The following TRIP10 variants were observed in gnomAD, a reference collection of about 807,000 sequenced individuals.
The protein encoded by TRIP10 is cdc42-interacting protein 4.
In TRIP10, 54 loss-of-function variants were observed where a neutral mutation model predicts 80.9. That is an observed-to-expected ratio of 0.67 (90% CI 0.54 to 0.84). TRIP10 has a LOEUF of 0.84. TRIP10 is among the 40% of genes least tolerant of loss of function. TRIP10 has a pLI of 0.00. For missense variants in TRIP10, 773 were observed against 815.3 expected, an observed-to-expected ratio of 0.95 and a Z score of 0.63; for synonymous variants, 321 against 307.2, an observed-to-expected ratio of 1.04 and a Z score of -0.47.
In TRIP10 at chr19:6,744,955, C is replaced by T; in HGVS notation, c.945C>T (p.Arg315=). ...DGRPELRGPG[R]SRTKRWPFGK... ...GGCCTGAACTCCGAGGCCCGGGTCGCAGCCGCACCAAGCGCTGGCCTTTTG... is the reference window on the plus strand; with the variant it reads ...GGCCTGAACTCCGAGGCCCGGGTCGTAGCCGCACCAAGCGCTGGCCTTTTG... Residue 315 remains arginine (R), a synonymous_variant, in exon 9 of 15, where the codon CGC becomes CGT. Transcript: ENST00000313244. This position sits in a 1 kb window ranked among gnomAD's most constrained non-coding sequence, Gnocchi z 4.9. 6.2e-7 allele frequency: 1 copy of T among 1,613,972 alleles called. No individual in the cohort carries two copies. Among genetic ancestry groups the T allele is most frequent in the Non-Finnish European group, 8.5e-7 (1 of 1,179,962 alleles).
chr19:6,749,039 G>A (rs1401087546), intron 11 of TRIP10, among the ~76,000 whole-genome samples: 1 of 152,118 alleles, frequency 6.6e-6, no homozygotes, highest in Non-Finnish European at 1.5e-5. Flanking sequence ...GATCTGTCTT[G>A]TTTAGTGTTA....
chr19:6,749,866 A>G lies in TRIP10; in HGVS notation c.1263-68A>G. On this transcript the variant is annotated intron_variant, in intron 11 of 14. Transcript: ENST00000313244. The stretch of plus-strand genomic sequence containing the variant: ...ATGAGACCCTGACTCAAACAAAACA[A>G]AACAACAGCAACAAAAAAACTCACA... 4 of 1,571,726 alleles carry G rather than the reference A, an allele frequency of 2.5e-6. 1 individual carries two copies. The South Asian group carries it at 4.7e-5, about 19-fold the overall frequency.
rs758840987 is a variant in TRIP10 at position 6,750,546 on chromosome 19, A to G, written c.1570A>G (p.Thr524Ala). The G allele has an allele frequency of 6.2e-7, 1 of 1,613,864 alleles. No individual in the cohort carries two copies. Among genetic ancestry groups the G allele is most frequent in the Non-Finnish European group, 8.5e-7 (1 of 1,179,958 alleles). Residue 524 changes from threonine (T) to alanine (A), a missense_variant, in exon 14 of 15, where the codon ACC (threonine) becomes GCC (alanine). Coordinates refer to ENST00000313244, the MANE Select transcript of TRIP10 (RefSeq NM_001288962.2). The stretch of plus-strand genomic sequence containing the variant: ...GCCTCCCTCAGAAGAGAGCCAGGAC[A>G]CCCCCATTTACACGGAGTTTGATGA... ...EEPPSEESQD[T>A]PIYTEFDEDF... is the part of the protein sequence containing the mutation.
Position 6,746,412 on chromosome 19 carries a change from A to T in TRIP10, c.1153-40A>T, listed in dbSNP as rs748379269. ...ACGGGTGCAGAGTCTGGCAGGCTAG[A>T]CTCCTTGATCCCAAATTCAGCCCTC... On this transcript the variant is annotated intron_variant, in intron 10 of 14. Transcript: ENST00000313244. This position sits in a 1 kb window ranked among gnomAD's most constrained non-coding sequence, Gnocchi z 6.2. 3.1e-6 allele frequency: 5 copies of T among 1,608,424 alleles called. No homozygotes were observed. The highest frequency in any genetic ancestry group is 3.3e-5 in the Admixed American group (2 of 59,872).
Position 6,750,277 on chromosome 19 carries a change from G to A in TRIP10, c.1396-15G>A, listed in dbSNP as rs1251621591. 6 of 1,613,540 alleles carry A rather than the reference G, an allele frequency of 3.7e-6. No individual in the cohort carries two copies. Among genetic ancestry groups the A allele is most frequent in the Non-Finnish European group, 3.4e-6 (4 of 1,179,784 alleles). ...AGCTCTGCCCTGGAACGATTTTCCT[G>A]TCCCCTCCTCCCAGGCGTGGCTGGC... On this transcript the variant is annotated splice_polypyrimidine_tract_variant and intron_variant, in intron 12 of 14. Transcript: ENST00000313244.
intron 1 of TRIP10, 60 bp downstream of exon 1, chr19:6,739,845 T>C: frequency 1.4e-6 from 2 of 1,392,590 alleles, no homozygotes; most frequent in Non-Finnish European, 9.4e-7. Context: ...ACCCCCCTTT[T>C]GTCCCCAATG....
In TRIP10 at chr19:6,746,617, A is replaced by G; in HGVS notation, c.1262+56A>G. The G allele has an allele frequency of 8.0e-7, 1 of 1,247,722 alleles. No individual in the cohort carries two copies. Among genetic ancestry groups the G allele is most frequent in the East Asian group, 2.4e-5 (1 of 41,868 alleles). The allele number at this position is 1,247,722 out of a possible 1,614,324, so 77.3% of individuals were successfully genotyped here. On this transcript the variant is annotated intron_variant, in intron 11 of 14. Transcript: ENST00000313244. The surrounding 1 kb of genome is among the most constrained non-coding windows in gnomAD (Gnocchi z 6.2). Reference sequence around the variant, plus strand: ...AGGAACATGATAAAATAGTAAATGAACTTCACTTATTTGTTTATTATTTTA... The same window carrying G: ...AGGAACATGATAAAATAGTAAATGAGCTTCACTTATTTGTTTATTATTTTA...
At chr19:6,749,087 CTTT>C (rs1203658981) in intron 11 of TRIP10, among the ~76,000 whole-genome samples, 1 of 152,000 alleles carries the variant, frequency 6.6e-6, no homozygotes, top group Admixed American at 6.6e-5. Context: ...GCCCCCCCTT[CTTT>C]TTTTATTTTT....
At chr19:6,747,409 T>C (rs1457985409) in intron 11 of TRIP10, among the ~76,000 whole-genome samples, 2 of 152,196 alleles carry the variant, frequency 1.3e-5, no homozygotes, top group African/African-American at 2.4e-5. Context: ...TCAACCTCTT[T>C]AGGCTGAAGA....
rs1243900751 is a variant in TRIP10 at position 6,744,945 on chromosome 19, G to A, written c.935G>A (p.Gly312Asp). Reference sequence around the variant, plus strand: ...TCGGATGGACGGCCTGAACTCCGAGGCCCGGGTCGCAGCCGCACCAAGCGC... The same window carrying A: ...TCGGATGGACGGCCTGAACTCCGAGACCCGGGTCGCAGCCGCACCAAGCGC... ...TPSDGRPELRGPGRSRTKRWP... is the reference protein window; with the variant it reads ...TPSDGRPELRDPGRSRTKRWP... Residue 312 changes from glycine to aspartate, a missense_variant, in exon 9 of 15, where the codon GGC becomes GAC. By Grantham distance (94) the Gly-to-Asp change is moderately conservative. Transcript: ENST00000313244. The surrounding 1 kb of genome is among the most constrained non-coding windows in gnomAD (Gnocchi z 4.9). 1 of 1,614,016 alleles carries A rather than the reference G, an allele frequency of 6.2e-7. No homozygotes were observed. Among genetic ancestry groups the A allele is most frequent in the African/African-American group, 1.3e-5 (1 of 75,052 alleles).
Position 6,746,480 on chromosome 19 carries a change from TG to T in TRIP10, c.1182del (p.Leu394PhefsTer31). On this transcript the variant is annotated frameshift_variant, in exon 11 of 15. Coordinates refer to ENST00000313244, the MANE Select transcript of TRIP10 (RefSeq NM_001288962.2). LOFTEE classifies it high-confidence loss of function. The surrounding 1 kb of genome is among the most constrained non-coding windows in gnomAD (Gnocchi z 6.2). Reference protein sequence around the residue: ...GTVVTEDFSHLPPEQQRKRLQ... With the variant: ...GTVVTEDFSHXPPEQQRKRLQ... ...GTGGTGACCGAGGATTTTAGCCACT[TG>T]CCCCCAGAGCAGCAGCGAAAACGGC... is the stretch of plus-strand genomic sequence containing the variant. The T allele has an allele frequency of 6.2e-7, 1 of 1,614,150 alleles. No individual in the cohort carries two copies. The highest frequency in any genetic ancestry group is 1.1e-5 in the South Asian group (1 of 91,086).
At chr19:6,748,840 CT>C (rs1969204038) in intron 11 of TRIP10, 1 of 152,054 alleles carries the variant, frequency 6.6e-6, no homozygotes, top group African/African-American at 2.4e-5. Context: ...CAGATCTGGT[CT>C]TTTCCAAAGG....
chr19:6,751,500 A>C lies in TRIP10; in HGVS notation c.*289A>C. On this transcript the variant is annotated 3_prime_UTR_variant, in exon 15 of 15. Coordinates refer to ENST00000313244, the MANE Select transcript of TRIP10 (RefSeq NM_001288962.2). ...CAAAAATGGGAAAAAAAAAAAAGAA[A>C]TTATATAAAGTTCCTAGAGTCGGTG... 1.5e-6 allele frequency: 1 copy of C among 657,910 alleles called. No individual in the cohort carries two copies. Among genetic ancestry groups the C allele is most frequent in the East Asian group, 3.4e-5 (1 of 29,074 alleles). The allele number at this position is 657,910 out of a possible 1,614,324, so 40.8% of individuals were successfully genotyped here.
Position 6,743,615 on chromosome 19 carries a change from C to CGGGGGGGGGAGGGGGGGGGGGGGGGGGG in TRIP10, c.513+26_513+27insAGGGGGGGGGGGGGGGGGGGGGGGGGGG. 1 of 770,174 alleles carries CGGGGGGGGGAGGGGGGGGGGGGGGGGGG rather than the reference C, an allele frequency of 1.3e-6. No homozygotes were observed. The highest frequency in any genetic ancestry group is 2.0e-5 in the South Asian group (1 of 50,316). 47.7% of individuals were successfully genotyped at this position (770,174 alleles called of 1,614,324 possible). ...GTGGAGAAGGTGTGTGTGGCGGGGG[C>CGGGGGGGGGAGGGGGGGGGGGGGGGGGG]GGGGGGGGGGTGCGGGGTCTGGGAC... On this transcript the variant is annotated intron_variant, in intron 6 of 14. Transcript: ENST00000313244.
At position 6,744,953 on chromosome 19, in the gene TRIP10, C is replaced by T. The variant is rs920707723; in HGVS notation, c.943C>T (p.Arg315Cys). The T allele has an allele frequency of 1.5e-5, 24 of 1,613,936 alleles. No individual in the cohort carries two copies. The highest frequency in any genetic ancestry group is 6.7e-5 in the African/African-American group (5 of 75,046). Residue 315 changes from arginine to cysteine, a missense_variant, in exon 9 of 15, where the codon CGC becomes TGC. Coordinates refer to ENST00000313244, the MANE Select transcript of TRIP10 (RefSeq NM_001288962.2). This position sits in a 1 kb window ranked among gnomAD's most constrained non-coding sequence, Gnocchi z 4.9. ...ACGGCCTGAACTCCGAGGCCCGGGT[C>T]GCAGCCGCACCAAGCGCTGGCCTTT... is the stretch of plus-strand genomic sequence containing the variant. The part of the protein sequence containing the change: ...DGRPELRGPG[R>C]SRTKRWPFGK...
rs1285286472 is a variant in TRIP10, at chr19:6,741,085, G to T, written c.100G>T (p.Glu34Ter). Reference protein sequence around the residue: ...LLDRYVKFVKERTEVEQAYAK... With the variant: ...LLDRYVKFVK ...GGACAGATATGTAAAGTTCGTGAAA[G>T]AACGCACCGAAGTGGAACAGGCTTA... is the stretch of plus-strand genomic sequence containing the variant. Residue 34 changes from glutamate (E) to a stop codon, truncating the protein, a stop_gained, in exon 2 of 15, where the codon GAA becomes TAA. Coordinates refer to ENST00000313244, the MANE Select transcript of TRIP10 (RefSeq NM_001288962.2). LOFTEE classifies it high-confidence loss of function. The T allele has an allele frequency of 1.2e-6, 2 of 1,614,214 alleles. No individual in the cohort carries two copies. The highest frequency in any genetic ancestry group is 3.3e-5 in the Admixed American group (2 of 60,032).
At position 6,750,031 on chromosome 19, in the gene TRIP10, A is replaced by G. The variant is rs1969235055; in HGVS notation, c.1360A>G (p.Ile454Val). 6.3e-7 allele frequency: 1 copy of G among 1,576,814 alleles called. No homozygotes were observed. The highest frequency in any genetic ancestry group is 2.4e-5 in the East Asian group (1 of 42,112). ...EPQIAETLSN[I>V]ERLKLEVQKY... ...CCAGATCGCTGAAACCCTGAGCAAC[A>G]TTGAACGGCTGAAATTGGAAGTGCA... is the stretch of plus-strand genomic sequence containing the variant. Residue 454 changes from isoleucine to valine, a missense_variant, in exon 12 of 15, where the codon ATT (isoleucine) becomes GTT (valine). By Grantham distance (29) the Ile-to-Val change is conservative. Transcript: ENST00000313244.
In TRIP10 at chr19:6,749,952, G is replaced by C. The variant is rs370706323; in HGVS notation, c.1281G>C (p.Met427Ile). 12 of 1,614,050 alleles carry C rather than the reference G, an allele frequency of 7.4e-6. No individual in the cohort carries two copies. The highest frequency in any genetic ancestry group is 8.5e-6 in the Non-Finnish European group (10 of 1,179,974). ...GTCATAGGGAAGCCCTAAAGAAAATGAAGGATGTCTATGAGAAGACACCTC... is the reference window on the plus strand; with the variant it reads ...GTCATAGGGAAGCCCTAAAGAAAATCAAGGATGTCTATGAGAAGACACCTC... ...EVDQREALKK[M>I]KDVYEKTPQM... The change falls in exon 12 of 15, where the codon ATG becomes ATC. Residue 427 changes from methionine to isoleucine, a missense_variant. By Grantham distance (10) the Met-to-Ile change is conservative. Coordinates refer to ENST00000313244, the MANE Select transcript of TRIP10 (RefSeq NM_001288962.2).
In TRIP10 at chr19:6,741,319, G is replaced by A. The variant is rs759701283; in HGVS notation, c.197+38G>A. The A allele has an allele frequency of 3.2e-6, 5 of 1,581,086 alleles. No individual in the cohort carries two copies. The East Asian group carries it at 9.2e-5, about 29-fold the overall frequency. ...AGGGGCTGCAGGGCTAGATTTGTGG[G>A]GAAAGGCGGTGCTTGGGTCTCACTT... is the stretch of plus-strand genomic sequence containing the variant. On this transcript the variant is annotated intron_variant, in intron 3 of 14. Coordinates refer to ENST00000313244, the MANE Select transcript of TRIP10 (RefSeq NM_001288962.2).
Sources: gnomAD v4.1 joint callset for allele counts (sites outside exome capture counted in the v4.1 genomes callset) on GRCh38, gnomAD v4.1.1 for gene constraint, Gnocchi (gnomAD v3.1) non-coding constraint, MANE v1.5 for transcripts, NCBI Gene and HGNC (gene_info 2026-07-23, HGNC 2026-07-21) for gene names.